The following CZIB variants were observed in gnomAD, a reference collection of about 807,000 sequenced individuals.
The protein encoded by CZIB is UPF0587 protein C1orf123.
Under a neutral mutation model 28.3 loss-of-function variants are expected in CZIB, and 26 were observed. The ratio of observed to expected loss-of-function variants is 0.92; its 90% CI spans 0.67 to 1.27. CZIB has a LOEUF of 1.27. Ranked by LOEUF, CZIB falls within the 50% of genes most tolerant of loss-of-function variation. The pLI is 0.00. For missense variants in CZIB, 179 were observed against 197.3 expected, an observed-to-expected ratio of 0.91 and a Z score of 0.56; for synonymous variants, 78 against 71.1, an observed-to-expected ratio of 1.10 and a Z score of -0.49.
At position 53,214,440 on chromosome 1, in the gene CZIB, T is replaced by G. The variant is rs1572388372; in HGVS notation, c.*219A>C. 2.0e-6 allele frequency: 1 copy of G among 507,698 alleles called. No individual in the cohort carries two copies. Among genetic ancestry groups the G allele is most frequent in the Non-Finnish European group, 3.5e-6 (1 of 283,482 alleles). The allele number at this position is 507,698 out of a possible 1,614,324, so 31.4% of individuals were successfully genotyped here. On this transcript the variant is annotated 3_prime_UTR_variant, in exon 8 of 8. Transcript: ENST00000294360. ...CACGAATTCTTATTTGTGGAGGGAG[T>G]AGCTGCCTCCTTACTTCACCTTCAT...
chr1:53,216,081 T>C, intron 6 of CZIB, 25 bp from the exon 7 acceptor site: 2 of 1,613,318 alleles, frequency 1.2e-6, no homozygotes, highest in Non-Finnish European at 1.7e-6. Context: ...AAGGTACCAG[T>C]TAGTCTTGGC....
chr1:53,215,649 T>C (rs1645465617), intron 7 of CZIB, among the ~76,000 whole-genome samples: 1 of 152,234 alleles, frequency 6.6e-6, no homozygotes, highest in African/African-American at 2.4e-5. Flanking sequence ...GGTCACATTT[T>C]CATCAACCAA....
At position 53,214,367 on chromosome 1, in the gene CZIB, A is replaced by G. The variant is rs1302128683; in HGVS notation, c.*292T>C. Reference sequence around the variant, plus strand: ...ACTTGCCCTTGACTGGGGAGATACCATCTCCTTAAAAATACTCTTCATTTT... The same window carrying G: ...ACTTGCCCTTGACTGGGGAGATACCGTCTCCTTAAAAATACTCTTCATTTT... On this transcript the variant is annotated 3_prime_UTR_variant, in exon 8 of 8. Coordinates refer to ENST00000294360, the MANE Select transcript of CZIB (RefSeq NM_017887.3). The G allele has an allele frequency of 1.4e-5, 5 of 346,122 alleles. No homozygotes were observed. The highest frequency in any genetic ancestry group is 2.7e-5 in the Non-Finnish European group (5 of 186,640). 21.4% of individuals were successfully genotyped at this position (346,122 alleles called of 1,614,324 possible).
intron 6 of CZIB, 64 bp downstream of exon 6, chr1:53,216,718 C>T (rs1468226466): frequency 1.4e-6 from 2 of 1,420,970 alleles, no homozygotes; most frequent in Non-Finnish European, 2.0e-6. Flanking sequence ...TAGCACAGTT[C>T]TGGCTGTCAC....
At position 53,220,331 on chromosome 1, in the gene CZIB, T is replaced by G; in HGVS notation, c.20A>C (p.Gln7Pro). ...GATGTTCTCCAGCGTGGCTTTGAGT[T>G]GCAGCGCGATTTTCTGAGGGGGAGG... The part of the protein sequence containing the change: MGKIAL[Q>P]LKATLENITN... The change falls in exon 2 of 8, where the codon CAA (glutamine) becomes CCA (proline). Residue 7 changes from glutamine (Q) to proline (P), a missense_variant. By Grantham distance (76) the Gln-to-Pro change is moderately conservative. Transcript: ENST00000294360. 1.2e-6 allele frequency: 2 copies of G among 1,613,160 alleles called. No homozygotes were observed. The highest frequency in any genetic ancestry group is 1.7e-6 in the Non-Finnish European group (2 of 1,179,908).
In CZIB at chr1:53,218,762, G is replaced by C; in HGVS notation, c.147+105C>G. 5.0e-6 allele frequency: 6 copies of C among 1,192,224 alleles called. No homozygotes were observed. In the South Asian group the frequency reaches 7.6e-5, roughly 15 times the overall value. 73.9% of individuals were successfully genotyped at this position (1,192,224 alleles called of 1,614,324 possible). On this transcript the variant is annotated intron_variant, in intron 3 of 7. Transcript: ENST00000294360. ...ACCCTCCCAAACCACAAAAAGCAGGGAGCAAAGAACTGGAGAGATGAAGGC... is the reference window on the plus strand; with the variant it reads ...ACCCTCCCAAACCACAAAAAGCAGGCAGCAAAGAACTGGAGAGATGAAGGC...
In CZIB at chr1:53,220,323, C is replaced by CT; in HGVS notation, c.27dup (p.Ala10SerfsTer29). On this transcript the variant is annotated frameshift_variant, in exon 2 of 8. Coordinates refer to ENST00000294360, the MANE Select transcript of CZIB (RefSeq NM_017887.3). LOFTEE classifies it high-confidence loss of function. ...AGGTTGGTGATGTTCTCCAGCGTGG[C>CT]TTTGAGTTGCAGCGCGATTTTCTGA... 1 of 1,613,438 alleles carries CT rather than the reference C, an allele frequency of 6.2e-7. No homozygotes were observed. The highest frequency in any genetic ancestry group is 8.5e-7 in the Non-Finnish European group (1 of 1,179,942).
At position 53,217,630 on chromosome 1, in the gene CZIB, T is replaced by C. The variant is rs531736890; in HGVS notation, c.261+542A>G. 3 of 154,408 alleles carry C rather than the reference T, an allele frequency of 1.9e-5. No homozygotes were observed. In the South Asian group the frequency reaches 6.0e-4, roughly 31 times the overall value. 9.6% of individuals were successfully genotyped at this position (154,408 alleles called of 1,614,324 possible). On this transcript the variant is annotated intron_variant, in intron 5 of 7. Transcript: ENST00000294360. The stretch of plus-strand genomic sequence containing the variant: ...ATTTTCCACTAGATTATTATGTACG[T>C]GAAGGCGAGTCCTCATTTAATTTCT...
At chr1:53,218,143 C>T (rs1645485477) in intron 5 of CZIB, 29 bp downstream of exon 5, 2 of 1,611,880 alleles carry the variant, frequency 1.2e-6, no homozygotes, top group Non-Finnish European at 1.7e-6. Context: ...TTAAGCCCAC[C>T]ATCCCTGCCA....
At chr1:53,215,970 C>G in intron 7 of CZIB, 21 bp downstream of exon 7, 1 of 1,613,300 alleles carries the variant, frequency 6.2e-7, no homozygotes, top group Non-Finnish European at 8.5e-7. Context: ...CAGTACCTCC[C>G]AAAGCCCCCA....
rs754201552 is a variant in CZIB at position 53,215,974 on chromosome 1, G to T, written c.405+17C>A. ...CAGGTGCCCTACAGTACCTCCCAAA[G>T]CCCCCAAGTCTCATACCTTCTCCTG... On this transcript the variant is annotated intron_variant, in intron 7 of 7. Transcript: ENST00000294360. 6.2e-7 allele frequency: 1 copy of T among 1,613,070 alleles called. No individual in the cohort carries two copies. The highest frequency in any genetic ancestry group is 1.1e-5 in the South Asian group (1 of 91,020).
rs187063635 is a variant in CZIB, at chr1:53,219,209, G to T, written c.91-286C>A. The T allele has an allele frequency of 1.3e-5, 5 of 378,850 alleles. No homozygotes were observed. The Middle Eastern group carries it at 2.2e-3, about 166-fold the overall frequency. The allele number at this position is 378,850 out of a possible 1,614,324, so 23.5% of individuals were successfully genotyped here. On this transcript the variant is annotated intron_variant, in intron 2 of 7. Coordinates refer to ENST00000294360, the MANE Select transcript of CZIB (RefSeq NM_017887.3). ...GCAGAAATGGTTTCAGCGGAGGTGA[G>T]GGGGGGGAATATGGAGAGATTTGTT...
At chr1:53,219,097 G>C in intron 2 of CZIB, 174 bp from the exon 3 acceptor site, 1 of 641,426 alleles carries the variant, frequency 1.6e-6, no homozygotes, top group Non-Finnish European at 2.8e-6. Context: ...TCTGGGCAAA[G>C]GATAGGTAAG....
chr1:53,214,551 T>C lies in CZIB; in HGVS notation c.*108A>G. The C allele has an allele frequency of 1.1e-6, 1 of 892,576 alleles. No homozygotes were observed. The highest frequency in any genetic ancestry group is 1.8e-6 in the Non-Finnish European group (1 of 565,270). The allele number at this position is 892,576 out of a possible 1,614,324, so 55.3% of individuals were successfully genotyped here. On this transcript the variant is annotated 3_prime_UTR_variant, in exon 8 of 8. Coordinates refer to ENST00000294360, the MANE Select transcript of CZIB (RefSeq NM_017887.3). ...CAGCATGCAGATTGTGAAGGTTTCG[T>C]ATAGCCACCAGGAGACAAGGGTCAA...
Position 53,220,604 on chromosome 1 carries a change from C to T in CZIB, c.-29G>A, listed in dbSNP as rs765100618. ...AGCCCTCTCCGCCCGGTGCTGGCTG[C>T]GGCCCTTGCCGTTGCTTTCCGGCGC... On this transcript the variant is annotated 5_prime_UTR_variant, in exon 1 of 8. Transcript: ENST00000294360. The T allele has an allele frequency of 1.3e-6, 2 of 1,593,142 alleles. No individual in the cohort carries two copies. Among genetic ancestry groups the T allele is most frequent in the South Asian group, 2.2e-5 (2 of 90,670 alleles).
intron 5 of CZIB, 103 bp downstream of exon 5, chr1:53,218,069 T>TA: frequency 8.2e-7 from 1 of 1,220,316 alleles, no homozygotes; most frequent in South Asian, 1.3e-5. Flanking sequence ...GTGAATGTCC[T>TA]ATGGCAGGTC....
chr1:53,219,111 GT>G, intron 2 of CZIB, 188 bp from the exon 3 acceptor site: 1 of 614,022 alleles, frequency 1.6e-6, no homozygotes, highest in Non-Finnish European at 2.9e-6. Context: ...AGGTAAGGCT[GT>G]TTCCTATGCC....
chr1:53,216,035 C>T lies in CZIB; in HGVS notation c.361G>A (p.Val121Met). 6.2e-7 allele frequency: 1 copy of T among 1,614,058 alleles called. No individual in the cohort carries two copies. The highest frequency in any genetic ancestry group is 1.7e-5 in the Admixed American group (1 of 60,002). Reference protein sequence around the residue: ...QPQAGFAAEGVESGTAFSDIN... With the variant: ...QPQAGFAAEGMESGTAFSDIN... ...TCACTGAAGGCTGTCCCTGACTCCA[C>T]ACCTTCAGCAGCAAACCCAGCCTGC... The change falls in exon 7 of 8, where the codon GTG becomes ATG. Residue 121 changes from valine to methionine, a missense_variant. Transcript: ENST00000294360.
chr1:53,215,817 G>A (rs1364687371), intron 7 of CZIB, among the ~76,000 whole-genome samples, 174 bp downstream of exon 7: 5 of 152,144 alleles, frequency 3.3e-5, no homozygotes, highest in Non-Finnish European at 4.4e-5. Context: ...TTTCTCATAC[G>A]TAGGAACATT....
Sources: gnomAD v4.1 joint callset for allele counts (sites outside exome capture counted in the v4.1 genomes callset) on GRCh38, gnomAD v4.1.1 for gene constraint, MANE v1.5 for transcripts, NCBI Gene and HGNC (gene_info 2026-07-23, HGNC 2026-07-21) for gene names.